Variants in TGM3 observed in about 807,000 individuals in gnomAD.
TGM3 encodes transglutaminase 3.
A neutral mutation model predicts 73.8 loss-of-function variants in TGM3; 52 were observed. The observed-to-expected ratio is 0.70, with a 90% CI of 0.56 to 0.89. The LOEUF (loss-of-function observed/expected upper bound fraction) is 0.89, where lower values mean the gene tolerates loss of function less well. TGM3 is among the 40% of genes least tolerant of loss of function. TGM3 has a pLI of 0.00. For synonymous variants in TGM3, 372 were observed against 354.9 expected (o/e 1.05, Z -0.54); for missense variants, 928 against 909.9 (o/e 1.02, Z -0.26).
chr20:2,307,814 G>C (rs2084183217), intron 1 of TGM3, among the ~76,000 whole-genome samples: 1 of 152,132 alleles, frequency 6.6e-6, no homozygotes, highest in African/African-American at 2.4e-5. Flanking sequence ...CTGTCGTCAT[G>C]ATGGTCATCG....
intron 5 of TGM3, among the ~76,000 whole-genome samples, chr20:2,313,508 T>C (rs917982653): frequency 7.9e-5 from 12 of 152,126 alleles, no homozygotes; most frequent in Non-Finnish European, 4.4e-5. Flanking sequence ...ATTCATGGTC[T>C]AGATGGGGAA....
At position 2,310,137 on chromosome 20, in the gene TGM3, C is replaced by T. The variant is rs776296597; in HGVS notation, c.182-41C>T. On this transcript the variant is annotated intron_variant, in intron 2 of 12. Transcript: ENST00000381458. Reference sequence around the variant, plus strand: ...GAACCTGGTCTCTCCACAGTCTGACCAGTGCTTGTTGGTTTTCTCAACCTC... The same window carrying T: ...GAACCTGGTCTCTCCACAGTCTGACTAGTGCTTGTTGGTTTTCTCAACCTC... The T allele has an allele frequency of 3.7e-6, 6 of 1,611,102 alleles. No homozygotes were observed. The Admixed American group carries it at 6.7e-5, about 18-fold the overall frequency.
chr20:2,323,504 G>A (rs532955755), intron 7 of TGM3, among the ~76,000 whole-genome samples: 3 of 152,216 alleles, frequency 2.0e-5, no homozygotes, highest in East Asian at 1.9e-4. Flanking sequence ...ACAATGCCTT[G>A]GTGGACACCT....
In TGM3 at chr20:2,309,656, G is replaced by A. The variant is rs2084192198; in HGVS notation, c.8-1G>A. 1 of 1,613,756 alleles carries A rather than the reference G, an allele frequency of 6.2e-7. No individual in the cohort carries two copies. The highest frequency in any genetic ancestry group is 8.5e-7 in the Non-Finnish European group (1 of 1,179,982). On this transcript the variant is annotated splice_acceptor_variant, in intron 1 of 12. Coordinates refer to ENST00000381458, the MANE Select transcript of TGM3 (RefSeq NM_003245.4). LOFTEE classifies it high-confidence loss of function. ...TTCAGGTTCTCCTTTCTGCCTCACA[G>A]CTCTAGGAGTCCAGAGTATCAACTG...
Position 2,309,731 on chromosome 20 carries a change from C to G in TGM3, c.82C>G (p.Gln28Glu). The G allele has an allele frequency of 6.2e-7, 1 of 1,614,204 alleles. No individual in the cohort carries two copies. The highest frequency in any genetic ancestry group is 2.2e-5 in the East Asian group (1 of 44,880). ...QAHHTDKFSS[Q>E]ELILRRGQNF... Reference sequence around the variant, plus strand: ...GCATCACACAGACAAGTTCTCCAGCCAGGAGCTCATCTTGCGGAGAGGCCA... The same window carrying G: ...GCATCACACAGACAAGTTCTCCAGCGAGGAGCTCATCTTGCGGAGAGGCCA... The change falls in exon 2 of 13, where the codon CAG becomes GAG. Residue 28 changes from glutamine to glutamate, a missense_variant. Gln to Glu is a conservative substitution (Grantham distance 29). Transcript: ENST00000381458.
Position 2,317,390 on chromosome 20 carries a change from C to T in TGM3, c.888C>T (p.Asn296=), listed in dbSNP as rs748641552. 6 of 1,614,108 alleles carry T rather than the reference C, an allele frequency of 3.7e-6. No homozygotes were observed. The change falls in exon 7 of 13, where the codon AAC becomes AAT. Residue 296 remains asparagine, a synonymous_variant. Coordinates refer to ENST00000381458, the MANE Select transcript of TGM3 (RefSeq NM_003245.4). ...GGATTCCTTCCCGGGTGATCACCAA[C>T]TTCAACTCAGCTCATGACACAGACC... The part of the protein sequence containing the change: ...SLGIPSRVIT[N]FNSAHDTDRN...
rs751974098 is a variant in TGM3, at chr20:2,330,874, C to T, written c.1334-1128C>T. On this transcript the variant is annotated intron_variant, in intron 9 of 12. Transcript: ENST00000381458. Reference sequence around the variant, plus strand: ...GGCAAAAATTAGCTGGGCTTGGTGGCGGGCACCTGTAATCCCAGCTACTCG... The same window carrying T: ...GGCAAAAATTAGCTGGGCTTGGTGGTGGGCACCTGTAATCCCAGCTACTCG... Among the ~76,000 whole-genome samples, 7 of 151,578 alleles carry T rather than the reference C, an allele frequency of 4.6e-5. No homozygotes were observed. In the South Asian group the frequency reaches 6.3e-4, roughly 14 times the overall value.
At position 2,339,862 on chromosome 20, in the gene TGM3, C is replaced by A; in HGVS notation, c.1809C>A (p.Asn603Lys). 1 of 1,613,998 alleles carries A rather than the reference C, an allele frequency of 6.2e-7. No homozygotes were observed. The highest frequency in any genetic ancestry group is 8.5e-7 in the Non-Finnish European group (1 of 1,180,014). Residue 603 changes from asparagine (N) to lysine (K), a missense_variant, in exon 12 of 13, where the codon AAC (asparagine) becomes AAA (lysine). By Grantham distance (94) the Asn-to-Lys change is moderately conservative (BLOSUM62 0). Coordinates refer to ENST00000381458, the MANE Select transcript of TGM3 (RefSeq NM_003245.4). ...DNPTLTLEVLNEARVRKPVNV... is the reference protein window; with the variant it reads ...DNPTLTLEVLKEARVRKPVNV... ...GCCCCTCTCCCCCATAGGTGCTGAA[C>A]GAGGCTCGTGTGCGGAAGCCTGTGA... is the stretch of plus-strand genomic sequence containing the variant.
rs938394658 is a variant in TGM3, at chr20:2,334,421, A to C, written c.1643-695A>C. Among the ~76,000 whole-genome samples the C allele has an allele frequency of 2.6e-5, 4 of 152,280 alleles. No individual in the cohort carries two copies. Among genetic ancestry groups the C allele is most frequent in the Admixed American group, 2.6e-4 (4 of 15,304 alleles). ...AACAAAACGAAAAACAGCTTTCCAA[A>C]GCTTTGTCTGGCTGGTGTGTGGATG... On this transcript the variant is annotated intron_variant, in intron 10 of 12. Transcript: ENST00000381458. The surrounding 1 kb of genome is among the most constrained non-coding windows in gnomAD (Gnocchi z 4.0).
chr20:2,339,891 T>A lies in TGM3; in HGVS notation c.1838T>A (p.Val613Glu). ...NEARVRKPVN[V>E]QMLFSNPLDE... ...GCTCGTGTGCGGAAGCCTGTGAACG[T>A]GCAGATGCTCTTCTCCAATCCACTG... is the stretch of plus-strand genomic sequence containing the variant. Residue 613 changes from valine to glutamate, a missense_variant, in exon 12 of 13, where the codon GTG (valine) becomes GAG (glutamate). Val to Glu is a moderately radical substitution (Grantham distance 121, BLOSUM62 -2). Coordinates refer to ENST00000381458, the MANE Select transcript of TGM3 (RefSeq NM_003245.4). 6.2e-7 allele frequency: 1 copy of A among 1,614,126 alleles called. No individual in the cohort carries two copies. Among genetic ancestry groups the A allele is most frequent in the Middle Eastern group, 1.6e-4 (1 of 6,062 alleles).
intron 3 of TGM3, 68 bp from the exon 4 acceptor site, chr20:2,310,943 G>C: frequency 7.2e-7 from 1 of 1,388,964 alleles, no homozygotes; most frequent in Non-Finnish European, 1.0e-6. Context: ...AGTGGGAGGA[G>C]AGGAGGAACG....
At chr20:2,335,355 C>T (rs2122254201) in intron 11 of TGM3, 82 bp downstream of exon 11, 2 of 1,544,620 alleles carry the variant, frequency 1.3e-6, no homozygotes, top group Middle Eastern at 2.3e-4. Flanking sequence ...CCCTGTGAGC[C>T]ACAGCTCTCC....
At chr20:2,320,141 T>C (rs2084255220) in intron 7 of TGM3, among the ~76,000 whole-genome samples, 1 of 152,136 alleles carries the variant, frequency 6.6e-6, no homozygotes, top group African/African-American at 2.4e-5. Context: ...GCAACCGGAG[T>C]TTGGACAGAA....
intron 1 of TGM3, among the ~76,000 whole-genome samples, chr20:2,305,426 C>A (rs1400076866): frequency 6.6e-6 from 1 of 152,328 alleles, no homozygotes; most frequent in East Asian, 1.9e-4. Flanking sequence ...TCTCATTATG[C>A]CACACCTGGG....
At chr20:2,317,940 T>TCATATATATATATATATATATG (rs34732762) in intron 7 of TGM3, among the ~76,000 whole-genome samples, 4 of 131,950 alleles carry the variant, frequency 3.0e-5, no homozygotes, top group African/African-American at 1.2e-4. Context: ...TATATATATA[T>TCATATATATATATATATATATG]ATCATATATA....
At chr20:2,305,678 T>G (rs2084173103) in intron 1 of TGM3, among the ~76,000 whole-genome samples, 1 of 152,144 alleles carries the variant, frequency 6.6e-6, no homozygotes, top group Admixed American at 6.5e-5. Flanking sequence ...GCAAGGCTCG[T>G]TGGTGCTGCC....
chr20:2,334,107 C>T lies in TGM3; in HGVS notation c.1643-1009C>T, dbSNP rs539134169. Among the ~76,000 whole-genome samples the T allele has an allele frequency of 1.1e-3, 167 of 152,194 alleles. 1 individual carries two copies. The highest frequency in any genetic ancestry group is 2.9e-4 in the Non-Finnish European group (20 of 67,998). On this transcript the variant is annotated intron_variant, in intron 10 of 12. Transcript: ENST00000381458. This position sits in a 1 kb window ranked among gnomAD's most constrained non-coding sequence, Gnocchi z 4.0. ...CCATCAGGGTAGGGAAAGGGCCCCG[C>T]GGCCCACAGGGTCAGAAGAGAGGAC...
intron 12 of TGM3, 42 bp downstream of exon 12, chr20:2,340,029 G>A (rs1301319546): frequency 1.3e-6 from 2 of 1,514,876 alleles, no homozygotes; most frequent in South Asian, 2.4e-5. Flanking sequence ...AGGGCGGGAG[G>A]GGGCGGGGGG....
Position 2,340,938 on chromosome 20 carries a change from T to G in TGM3, c.*357T>G, listed in dbSNP as rs187604992. 6 of 477,222 alleles carry G rather than the reference T, an allele frequency of 1.3e-5. No individual in the cohort carries two copies. The Admixed American group carries it at 1.4e-4, about 11-fold the overall frequency. 29.6% of individuals were successfully genotyped at this position (477,222 alleles called of 1,614,324 possible). ...ACGGGATACAGGAGAGAAGCTGGTC[T>G]AGACTGTTTGCTGATCCCCAACCTG... is the stretch of plus-strand genomic sequence containing the variant. On this transcript the variant is annotated 3_prime_UTR_variant, in exon 13 of 13. Transcript: ENST00000381458.
Sources: gnomAD v4.1 joint callset for allele counts (sites outside exome capture counted in the v4.1 genomes callset) on GRCh38, gnomAD v4.1.1 for gene constraint, Gnocchi (gnomAD v3.1) non-coding constraint, MANE v1.5 for transcripts, NCBI Gene and HGNC (gene_info 2026-07-23, HGNC 2026-07-21) for gene names.